The following DDX10 variants were observed in gnomAD, a reference collection of about 807,000 sequenced individuals.
DDX10 encodes DEAD-box helicase 10.
Under a neutral mutation model 104.3 loss-of-function variants are expected in DDX10, and 74 were observed. The observed-to-expected ratio is 0.71, with a 90% CI of 0.59 to 0.86. The LOEUF (loss-of-function observed/expected upper bound fraction) is 0.86, where lower values mean the gene tolerates loss of function less well. DDX10 is among the 40% of genes least tolerant of loss of function. The pLI is 0.00. For missense variants in DDX10, 952 were observed against 1,040.0 expected (o/e 0.92, Z 1.16); for synonymous variants, 351 against 353.4 (o/e 0.99, Z 0.08).
chr11:108,919,622 A>C (rs1863798009), intron 17 of DDX10: 1 of 152,238 alleles, frequency 6.6e-6, no homozygotes, highest in Non-Finnish European at 1.5e-5. Flanking sequence ...CCCTGGAAGC[A>C]ACATTAATTG....
Position 108,864,577 on chromosome 11 carries a change from G to A in DDX10, c.2304+12368G>A, listed in dbSNP as rs143460837. Among the ~76,000 whole-genome samples the A allele has an allele frequency of 2.0e-5, 3 of 152,072 alleles. No homozygotes were observed. In the East Asian group the frequency reaches 5.8e-4, roughly 29 times the overall value. On this transcript the variant is annotated intron_variant, in intron 16 of 17. Coordinates refer to ENST00000322536, the MANE Select transcript of DDX10 (RefSeq NM_004398.4). ...AGCCTTGACTTCCCAGTCCTCAAGC[G>A]ATTCTCCTGCCTCAGCCTCCTGAGT... is the stretch of plus-strand genomic sequence containing the variant.
chr11:108,760,523 T>C (rs1302084701), intron 13 of DDX10, among the ~76,000 whole-genome samples: 1 of 152,100 alleles, frequency 6.6e-6, no homozygotes, highest in East Asian at 1.9e-4. Context: ...TTCAGAATTA[T>C]GTATGGTCAT....
intron 13 of DDX10, among the ~76,000 whole-genome samples, chr11:108,768,780 C>T (rs1208591548): frequency 1.3e-5 from 2 of 152,242 alleles, no homozygotes; most frequent in South Asian, 4.1e-4. Flanking sequence ...TTGTTATCCT[C>T]TTCCTCGGAT....
intron 9 of DDX10, among the ~76,000 whole-genome samples, chr11:108,696,354 T>C (rs1413151623): frequency 6.6e-6 from 1 of 152,104 alleles, no homozygotes; most frequent in African/African-American, 2.4e-5. Context: ...TTTTTGTATT[T>C]TTAGTAGAGA....
chr11:108,787,737 T>G (rs1253162882), intron 13 of DDX10, among the ~76,000 whole-genome samples: 1 of 151,890 alleles, frequency 6.6e-6, no homozygotes, highest in Non-Finnish European at 1.5e-5. Context: ...AGTTCAAGAC[T>G]AGCTTCACCA....
intron 16 of DDX10, among the ~76,000 whole-genome samples, chr11:108,884,168 T>A (rs1211614880): frequency 1.3e-5 from 2 of 152,212 alleles, no homozygotes; most frequent in East Asian, 3.8e-4. Context: ...CATTTCAAAT[T>A]TATCACAACT....
intron 16 of DDX10, among the ~76,000 whole-genome samples, chr11:108,879,644 CTTA>C (rs1863200696): frequency 6.6e-6 from 1 of 152,124 alleles, no homozygotes; most frequent in Admixed American, 6.5e-5. Flanking sequence ...TTCACCTGTT[CTTA>C]TTATCAAGTT....
intron 13 of DDX10, among the ~76,000 whole-genome samples, chr11:108,744,016 G>A (rs542139327): frequency 6.6e-6 from 1 of 152,302 alleles, no homozygotes; most frequent in East Asian, 1.9e-4. Flanking sequence ...GCAGGCCTAT[G>A]TGTTCACATC....
intron 13 of DDX10, among the ~76,000 whole-genome samples, chr11:108,723,899 G>A (rs2094301988): frequency 6.6e-6 from 1 of 152,120 alleles, no homozygotes; most frequent in African/African-American, 2.4e-5. Flanking sequence ...TGGGAACCAA[G>A]CCAGTGTCTT....
intron 15 of DDX10, among the ~76,000 whole-genome samples, chr11:108,847,729 A>G (rs932285681): frequency 2.6e-5 from 4 of 152,228 alleles, no homozygotes; most frequent in Admixed American, 1.3e-4. Flanking sequence ...AATAGTAGCC[A>G]CAAGAATATT....
chr11:108,882,742 T>C (rs1467459421), intron 16 of DDX10, among the ~76,000 whole-genome samples: 3 of 152,224 alleles, frequency 2.0e-5, no homozygotes, highest in Non-Finnish European at 4.4e-5. Context: ...GTTAGTACTT[T>C]AGGAAATTAC....
chr11:108,681,455 G>A (rs2094235129), intron 6 of DDX10, among the ~76,000 whole-genome samples: 1 of 152,116 alleles, frequency 6.6e-6, no homozygotes, highest in African/African-American at 2.4e-5. Context: ...ACATAAAAAA[G>A]CAGATGCTCT....
intron 6 of DDX10, among the ~76,000 whole-genome samples, chr11:108,680,367 A>G (rs2094233091): frequency 6.6e-6 from 1 of 152,146 alleles, no homozygotes; most frequent in African/African-American, 2.4e-5. Context: ...AGGGCATACC[A>G]CCATGCGTGG....
intron 13 of DDX10, among the ~76,000 whole-genome samples, chr11:108,832,949 C>T (rs566055018): frequency 2.0e-5 from 3 of 152,170 alleles, no homozygotes; most frequent in Non-Finnish European, 4.4e-5. Context: ...CTAACAGCAC[C>T]TGATCCTTAG....
chr11:108,816,039 C>T (rs571155770), intron 13 of DDX10, among the ~76,000 whole-genome samples: 108 of 152,200 alleles, frequency 7.1e-4, no homozygotes, highest in African/African-American at 2.6e-3. Flanking sequence ...TCTTAACACT[C>T]CTAGCAACTT....
intron 17 of DDX10, chr11:108,920,756 G>C (rs879932742): frequency 6.6e-6 from 1 of 152,184 alleles, no homozygotes; most frequent in Non-Finnish European, 1.5e-5. Context: ...AGATAGACAT[G>C]GTTTCCCACC....
At chr11:108,909,924 A>G (rs1185228456) in intron 16 of DDX10, among the ~76,000 whole-genome samples, 3 of 152,218 alleles carry the variant, frequency 2.0e-5, no homozygotes, top group African/African-American at 7.2e-5. Context: ...CCGGTATCTG[A>G]AAGAACGTGT....
chr11:108,918,863 C>T (rs1300623821), intron 17 of DDX10: 2 of 152,058 alleles, frequency 1.3e-5, no homozygotes, highest in Non-Finnish European at 2.9e-5. Flanking sequence ...ACTTCATGCT[C>T]AATCTAAACC....
chr11:108,921,107 A>G (rs1422600730), intron 17 of DDX10: 1 of 152,220 alleles, frequency 6.6e-6, no homozygotes, highest in Non-Finnish European at 1.5e-5. Context: ...CCATTCCTGG[A>G]CTAGCAGGCA....
Sources: allele counts gnomAD v4.1 joint callset (sites outside exome capture counted in the v4.1 genomes callset), GRCh38; gene constraint gnomAD v4.1.1; transcripts MANE v1.5; gene names NCBI Gene and HGNC (gene_info 2026-07-23, HGNC 2026-07-21).